Variants in GPC6 observed in about 807,000 individuals in gnomAD.
GPC6 encodes glypican 6.
A neutral mutation model predicts 55.2 loss-of-function variants in GPC6; 14 were observed. The observed-to-expected ratio is 0.25, with a 90% CI of 0.17 to 0.40. GPC6 has a LOEUF of 0.40. Ranked by LOEUF, GPC6 falls within the 10% of genes least tolerant of loss-of-function variation. The probability of loss-of-function intolerance (pLI) is 1.00; values close to 1 mark genes in which losing one functional copy is unlikely to be tolerated. For missense variants in GPC6, 641 were observed against 708.5 expected (o/e 0.90, Z 1.08); for synonymous variants, 278 against 259.6 (o/e 1.07, Z -0.68).
intron 4 of GPC6, among the ~76,000 whole-genome samples, chr13:94,264,603 C>T (rs1891741123): frequency 6.6e-6 from 1 of 152,174 alleles, no homozygotes; most frequent in African/African-American, 2.4e-5. Context: ...CCACCATATA[C>T]AAAAGGCAAG....
At position 93,721,873 on chromosome 13, in the gene GPC6, G is replaced by A. The variant is rs149242318; in HGVS notation, c.320-108281G>A. The stretch of plus-strand genomic sequence containing the variant: ...TTTTGCTACTTATGCGATTTTTGTG[G>A]CCACATAGTCAAAACACCGATGGAA... On this transcript the variant is annotated intron_variant, in intron 2 of 8. Coordinates refer to ENST00000377047, the MANE Select transcript of GPC6 (RefSeq NM_005708.5). Among the ~76,000 whole-genome samples the A allele has an allele frequency of 4.0e-5, 6 of 151,532 alleles. No individual in the cohort carries two copies. In the East Asian group the frequency reaches 9.7e-4, roughly 25 times the overall value.
chr13:93,675,134 T>C (rs1462316010), intron 2 of GPC6, among the ~76,000 whole-genome samples: 2 of 152,180 alleles, frequency 1.3e-5, no homozygotes, highest in Non-Finnish European at 2.9e-5. Flanking sequence ...AAGTGCAGTG[T>C]ACAAGTAGTT....
intron 1 of GPC6, among the ~76,000 whole-genome samples, chr13:93,455,193 G>A (rs542727291): frequency 1.3e-5 from 2 of 152,274 alleles, no homozygotes; most frequent in South Asian, 4.1e-4. Flanking sequence ...GCAATCTGAG[G>A]GAGCCGGCTC....
intron 3 of GPC6, among the ~76,000 whole-genome samples, chr13:93,985,689 C>CAAAAAAAAAAAAAAAAAAAAAAAAAAAA (rs34003218): frequency 1.4e-5 from 1 of 69,404 alleles, no homozygotes. Context: ...AAGACCTGGC[C>CAAAAAAAAAAAAAAAAAAAAAAAAAAAA]AAAAAAAAAA....
chr13:94,181,753 T>G (rs1352737503), intron 4 of GPC6, among the ~76,000 whole-genome samples: 1 of 152,236 alleles, frequency 6.6e-6, no homozygotes, highest in Admixed American at 6.5e-5. Context: ...GTGCCTCATA[T>G]TAGTGAGACA....
At chr13:94,035,501 A>C (rs1883301367) in intron 4 of GPC6, among the ~76,000 whole-genome samples, 1 of 152,090 alleles carries the variant, frequency 6.6e-6, no homozygotes, top group Non-Finnish European at 1.5e-5. Flanking sequence ...CAAACCACAT[A>C]GCTATTCACA....
intron 4 of GPC6, among the ~76,000 whole-genome samples, chr13:94,037,070 A>G (rs1883364221): frequency 6.6e-6 from 1 of 152,060 alleles, no homozygotes; most frequent in Non-Finnish European, 1.5e-5. Context: ...ACTCAACCAG[A>G]CGAGAGAACT....
chr13:93,451,793 G>A (rs574793842), intron 1 of GPC6, among the ~76,000 whole-genome samples: 7 of 152,194 alleles, frequency 4.6e-5, no homozygotes, highest in Admixed American at 3.3e-4. Flanking sequence ...AGGTACTTTC[G>A]GGTTTTCAGA....
At chr13:93,315,759 A>ATT (rs66531055) in intron 1 of GPC6, among the ~76,000 whole-genome samples, 20 of 150,566 alleles carry the variant, frequency 1.3e-4, no homozygotes, top group South Asian at 6.3e-4. Context: ...GTTTTCTTCA[A>ATT]TTTTTTTTTA....
intron 2 of GPC6, among the ~76,000 whole-genome samples, chr13:93,687,538 T>A (rs1882093364): frequency 6.6e-6 from 1 of 152,112 alleles, no homozygotes; most frequent in Non-Finnish European, 1.5e-5. Flanking sequence ...GCAGCAGGAA[T>A]GCTTGGGTTT....
intron 1 of GPC6, among the ~76,000 whole-genome samples, chr13:93,296,733 A>T (rs561883433): frequency 6.6e-6 from 1 of 152,298 alleles, no homozygotes; most frequent in African/African-American, 2.4e-5. Flanking sequence ...GCATTAAAAG[A>T]TGAGCTGGGC....
chr13:93,716,829 A>G (rs1883267837), intron 2 of GPC6, among the ~76,000 whole-genome samples: 1 of 151,630 alleles, frequency 6.6e-6, no homozygotes, highest in Admixed American at 6.6e-5. Flanking sequence ...CCAGTCCTTC[A>G]TACTCCATTC....
chr13:94,031,013 T>C (rs1883103732), intron 4 of GPC6, among the ~76,000 whole-genome samples: 1 of 152,074 alleles, frequency 6.6e-6, no homozygotes, highest in Non-Finnish European at 1.5e-5. Flanking sequence ...TTGGGGTGTG[T>C]GTGCGTGTGT....
chr13:94,062,655 T>C (rs949687614), intron 4 of GPC6, among the ~76,000 whole-genome samples: 1 of 152,212 alleles, frequency 6.6e-6, no homozygotes, highest in African/African-American at 2.4e-5. Context: ...TACATATTTT[T>C]AAATAAGGCT....
chr13:93,591,681 T>C (rs1243188497), intron 2 of GPC6, among the ~76,000 whole-genome samples: 1 of 152,144 alleles, frequency 6.6e-6, no homozygotes, highest in Non-Finnish European at 1.5e-5. Context: ...ACCTGTACTG[T>C]ATGTAATACA....
intron 1 of GPC6, among the ~76,000 whole-genome samples, chr13:93,494,892 C>A (rs781762815): frequency 2.0e-5 from 3 of 148,390 alleles, no homozygotes; most frequent in East Asian, 2.0e-4. Context: ...CCGAGAGATC[C>A]GCTGTTGGTC....
intron 4 of GPC6, among the ~76,000 whole-genome samples, chr13:94,058,646 C>T (rs991763886): frequency 1.3e-5 from 2 of 152,198 alleles, no homozygotes; most frequent in Non-Finnish European, 2.9e-5. Context: ...GGCAGTTCCT[C>T]TCTGCCCTCG....
intron 1 of GPC6, among the ~76,000 whole-genome samples, chr13:93,287,287 G>A (rs370908308): frequency 2.2e-4 from 34 of 152,242 alleles, no homozygotes; most frequent in East Asian, 1.9e-3. Context: ...TTAAAAAGTC[G>A]CCAATGAGAA....
At chr13:93,693,763 A>C (rs1007389492) in intron 2 of GPC6, among the ~76,000 whole-genome samples, 1 of 152,192 alleles carries the variant, frequency 6.6e-6, no homozygotes, top group Non-Finnish European at 1.5e-5. Context: ...TTGGGATTAC[A>C]GGAGTGAACC....
Sources: gnomAD v4.1 joint callset for allele counts (sites outside exome capture counted in the v4.1 genomes callset) on GRCh38, gnomAD v4.1.1 for gene constraint, MANE v1.5 for transcripts, NCBI Gene and HGNC (gene_info 2026-07-23, HGNC 2026-07-21) for gene names.